The following PRKN variants were observed in gnomAD, a reference collection of about 807,000 sequenced individuals.
PRKN encodes the protein parkin RBR E3 ubiquitin protein ligase.
PRKN carries 56 observed loss-of-function variants against 59.5 expected under a neutral mutation model. The ratio of observed to expected loss-of-function variants is 0.94; its 90% CI spans 0.76 to 1.18. The LOEUF is 1.18. PRKN is among the 50% of genes most tolerant of loss of function. The probability of loss-of-function intolerance (pLI) is 0.00; values close to 1 mark genes in which losing one functional copy is unlikely to be tolerated. For synonymous variants in PRKN, 250 were observed against 222.1 expected (o/e 1.13, Z -1.12); for missense variants, 657 against 596.4 (o/e 1.10, Z -1.06).
chr6:161,957,435 TG>T (rs1197004698), intron 6 of PRKN, among the ~76,000 whole-genome samples: 1,350 of 119,044 alleles, frequency 0.011, 15 homozygotes, highest in African/African-American at 0.018. Context: ...TTTGTTTGTT[TG>T]TTTTTTTGAG....
chr6:162,641,933 T>C (rs1777979238), intron 1 of PRKN, among the ~76,000 whole-genome samples: 1 of 152,224 alleles, frequency 6.6e-6, no homozygotes, highest in Non-Finnish European at 1.5e-5. Context: ...AAATACAATT[T>C]GTTTCCTCAA....
rs1165047690 is a variant in PRKN, at chr6:161,397,332, G to T, written c.1084-10455C>A. On this transcript the variant is annotated intron_variant, in intron 9 of 11. Coordinates refer to ENST00000366898, the MANE Select transcript of PRKN (RefSeq NM_004562.3). The surrounding 1 kb of genome is among the most constrained non-coding windows in gnomAD (Gnocchi z 4.2). ...ACAATTGTGTACTCCATGATACAAT[G>T]CACAATCATGGGTTGAATTGAGTAT... Among the ~76,000 whole-genome samples the T allele has an allele frequency of 6.6e-6, 1 of 152,178 alleles. No homozygotes were observed. The highest frequency in any genetic ancestry group is 1.9e-4 in the East Asian group (1 of 5,194).
At chr6:162,335,046 C>T (rs1783772298) in intron 2 of PRKN, among the ~76,000 whole-genome samples, 1 of 152,224 alleles carries the variant, frequency 6.6e-6, no homozygotes. Flanking sequence ...AAGAGTCTTG[C>T]TCTGTCCTCC....
At chr6:162,134,997 C>T (rs1781510573) in intron 4 of PRKN, among the ~76,000 whole-genome samples, 1 of 152,146 alleles carries the variant, frequency 6.6e-6, no homozygotes, top group Non-Finnish European at 1.5e-5. Flanking sequence ...TATAACAAAA[C>T]CTATCACTAC....
chr6:162,595,783 A>G (rs1007711726), intron 1 of PRKN, among the ~76,000 whole-genome samples: 2 of 152,202 alleles, frequency 1.3e-5, no homozygotes, highest in Non-Finnish European at 1.5e-5. Context: ...AATAACACCT[A>G]TATTATCAAG....
intron 6 of PRKN, among the ~76,000 whole-genome samples, chr6:161,798,982 A>G (rs1790968444): frequency 6.6e-6 from 1 of 152,132 alleles, no homozygotes; most frequent in South Asian, 2.1e-4. Flanking sequence ...TTCAATGTCT[A>G]TGTTCTCGCC....
chr6:162,421,445 C>A (rs2320812), intron 2 of PRKN, among the ~76,000 whole-genome samples: 7,010 of 152,256 alleles, frequency 0.046, 511 homozygotes, highest in African/African-American at 0.16. Context: ...TGACTTTCAA[C>A]TTTCCCTTTG....
chr6:162,318,375 C>T (rs1782836770), intron 2 of PRKN, among the ~76,000 whole-genome samples: 1 of 151,992 alleles, frequency 6.6e-6, no homozygotes, highest in Admixed American at 6.6e-5. Flanking sequence ...TTTATTTATC[C>T]ACTTATTCAT....
chr6:161,662,806 G>A (rs1049200092), intron 7 of PRKN, among the ~76,000 whole-genome samples: 7 of 152,216 alleles, frequency 4.6e-5, no homozygotes, highest in Non-Finnish European at 1.0e-4. Flanking sequence ...CCCACAGCAG[G>A]GTCTAATCGA....
intron 7 of PRKN, among the ~76,000 whole-genome samples, chr6:161,673,968 C>G (rs1301916760): frequency 6.6e-6 from 1 of 152,146 alleles, no homozygotes; most frequent in Non-Finnish European, 1.5e-5. Flanking sequence ...AGGGTGGCAG[C>G]TAGAGGTTTA....
intron 2 of PRKN, among the ~76,000 whole-genome samples, chr6:162,313,168 T>C (rs1447377608): frequency 6.6e-6 from 1 of 152,120 alleles, no homozygotes; most frequent in Admixed American, 6.6e-5. Context: ...TACAGTTCAG[T>C]AGTGCTAAGG....
At chr6:162,698,341 T>C (rs567119866) in intron 1 of PRKN, among the ~76,000 whole-genome samples, 26 of 152,342 alleles carry the variant, frequency 1.7e-4, no homozygotes, top group Non-Finnish European at 3.1e-4. Flanking sequence ...GACACAGTCC[T>C]TGTTAATGAA....
chr6:162,487,024 C>T (rs374631736), intron 1 of PRKN, among the ~76,000 whole-genome samples: 45 of 151,848 alleles, frequency 3.0e-4, no homozygotes, highest in East Asian at 7.8e-4. Context: ...GAGCCAAGAT[C>T]GCACCATTGC....
chr6:162,485,889 T>A (rs1893113), intron 1 of PRKN, among the ~76,000 whole-genome samples: 1 of 151,964 alleles, frequency 6.6e-6, no homozygotes, highest in Non-Finnish European at 1.5e-5. Context: ...TAAAGGCTTG[T>A]TAGAAAATCC....
At chr6:162,133,904 C>T (rs867787353) in intron 4 of PRKN, among the ~76,000 whole-genome samples, 3 of 152,096 alleles carry the variant, frequency 2.0e-5, no homozygotes, top group South Asian at 2.1e-4. Context: ...TGGAGAGATG[C>T]TGAGCCTAGA....
intron 2 of PRKN, among the ~76,000 whole-genome samples, chr6:162,347,185 T>A (rs1784439283): frequency 6.6e-6 from 1 of 151,668 alleles, no homozygotes; most frequent in African/African-American, 2.4e-5. Flanking sequence ...GTTCTTTCTG[T>A]TGTCTTTTTT....
chr6:161,993,548 T>C (rs1446755230), intron 5 of PRKN, among the ~76,000 whole-genome samples: 1 of 152,184 alleles, frequency 6.6e-6, no homozygotes, highest in African/African-American at 2.4e-5. Context: ...ATTCTTAAAC[T>C]ATTTCAAAAA....
intron 2 of PRKN, among the ~76,000 whole-genome samples, chr6:162,440,816 T>C (rs1475434502): frequency 5.3e-5 from 8 of 152,056 alleles, no homozygotes; most frequent in African/African-American, 1.9e-4. Context: ...CTGTGAAATA[T>C]AGCACCTGTA....
At position 161,814,588 on chromosome 6, in the gene PRKN, C is replaced by T. The variant is rs149151963; in HGVS notation, c.735-28680G>A. Among the ~76,000 whole-genome samples, 1,067 of 152,258 alleles carry T rather than the reference C, an allele frequency of 7.0e-3. 15 individuals are homozygous for T. The highest frequency in any genetic ancestry group is 0.024 in the African/African-American group (1,017 of 41,546). On this transcript the variant is annotated intron_variant, in intron 6 of 11. Coordinates refer to ENST00000366898, the MANE Select transcript of PRKN (RefSeq NM_004562.3). ...CCCAATCTTGGCTCACCGCAACCTC[C>T]GCCTCCCGGGTTCAAGCAATTCTCC...
Sources: allele counts gnomAD v4.1 joint callset (sites outside exome capture counted in the v4.1 genomes callset), GRCh38; gene constraint gnomAD v4.1.1; non-coding constraint Gnocchi (gnomAD v3.1); transcripts MANE v1.5; gene names NCBI Gene and HGNC (gene_info 2026-07-23, HGNC 2026-07-21).